ZNF112: variants seen among roughly 807,000 people sequenced by gnomAD.
The protein encoded by ZNF112 is zinc finger protein 112 (Y14).
In ZNF112, 37 loss-of-function variants were observed where a neutral mutation model predicts 77.7. The ratio of observed to expected loss-of-function variants is 0.48; its 90% CI spans 0.37 to 0.63. ZNF112 has a LOEUF of 0.63. ZNF112 is among the 20% of genes least tolerant of loss of function. The probability of loss-of-function intolerance (pLI) is 0.00; values close to 1 mark genes in which losing one functional copy is unlikely to be tolerated. For synonymous variants in ZNF112, 333 were observed against 363.6 expected, an observed-to-expected ratio of 0.92 and a Z score of 0.96; for missense variants, 950 against 1,077.4, an observed-to-expected ratio of 0.88 and a Z score of 1.66.
chr19:44,357,985 T>C (rs904718945), upstream of ZNF112, among the ~76,000 whole-genome samples: 2 of 151,956 alleles, frequency 1.3e-5, no homozygotes, highest in African/African-American at 4.8e-5. Context: ...ACCCCGTCTC[T>C]ACAAAAAATA....
chr19:44,344,232 C>G (rs1266913790), intron 1 of ZNF112, among the ~76,000 whole-genome samples: 1 of 152,138 alleles, frequency 6.6e-6, no homozygotes. Flanking sequence ...TGCGTGTGCT[C>G]CTCTGTGAAA....
Position 44,328,469 on chromosome 19 carries a change from T to C in ZNF112, c.1688A>G (p.Gln563Arg), listed in dbSNP as rs949914158. ...DKGFSRSSYL[Q>R]AHQRVHTGEK... ...TCCAGTGTGGACTCTCTGATGGGCT[T>C]GAAGATATGAACTCCGACTGAATCC... Residue 563 changes from glutamine to arginine, a missense_variant, in exon 4 of 4, where the codon CAA becomes CGA. This residue lies in a region of ZNF112 where 373 missense variants were observed against 482.8 expected (regional missense o/e 0.77). Transcript: ENST00000354340. The C allele has an allele frequency of 1.2e-6, 2 of 1,613,996 alleles. No homozygotes were observed. Among genetic ancestry groups the C allele is most frequent in the African/African-American group, 2.7e-5 (2 of 74,912 alleles).
Position 44,327,600 on chromosome 19 carries a change from T to A in ZNF112, c.2557A>T (p.Lys853Ter). ...CCACATGCATCACATTTGTATGGTT[T>A]CTCTCCTGTGTGGACTCTCTGGTGA... ...QAHQRVHTGE[K>*]PYKCDACGKG... The change falls in exon 4 of 4, where the codon AAA becomes TAA. Residue 853 changes from lysine to a stop codon, truncating the protein, a stop_gained. Coordinates refer to ENST00000354340, the MANE Select transcript of ZNF112 (RefSeq NM_013380.4). LOFTEE classifies it high-confidence loss of function. The A allele has an allele frequency of 6.2e-7, 1 of 1,614,120 alleles. No homozygotes were observed. Among genetic ancestry groups the A allele is most frequent in the East Asian group, 2.2e-5 (1 of 44,886 alleles).
chr19:44,330,067 A>G lies in ZNF112; in HGVS notation c.221-131T>C, dbSNP rs555253867. 4.5e-6 allele frequency: 3 copies of G among 663,180 alleles called. No individual in the cohort carries two copies. The African/African-American group carries it at 5.4e-5, about 12-fold the overall frequency. 41.1% of individuals were successfully genotyped at this position (663,180 alleles called of 1,614,324 possible). ...AAAATTCATGCCACTATTTCTAAGA[A>G]TACTTAGAAAATATCTCCTCTTTGG... On this transcript the variant is annotated intron_variant, in intron 3 of 3. Transcript: ENST00000354340.
At position 44,327,711 on chromosome 19, in the gene ZNF112, C is replaced by A. The variant is rs1269683620; in HGVS notation, c.2446G>T (p.Ala816Ser). 1 of 1,612,904 alleles carries A rather than the reference C, an allele frequency of 6.2e-7. No homozygotes were observed. The highest frequency in any genetic ancestry group is 1.3e-5 in the African/African-American group (1 of 74,528). The change falls in exon 4 of 4, where the codon GCC becomes TCC. Residue 816 changes from alanine (A) to serine (S), a missense_variant. Coordinates refer to ENST00000354340, the MANE Select transcript of ZNF112 (RefSeq NM_013380.4). ...KGFSGYSSLQ[A>S]HHRVHTGEKP... Reference sequence around the variant, plus strand: ...TCTCCTGTGTGGACTCTGTGATGGGCTTGAAGACTTGAATACCCACTGAAA... The same window carrying A: ...TCTCCTGTGTGGACTCTGTGATGGGATTGAAGACTTGAATACCCACTGAAA...
At chr19:44,357,654 A>C (rs557951953), upstream of ZNF112, among the ~76,000 whole-genome samples, 1 of 152,318 alleles carries the variant, frequency 6.6e-6, no homozygotes, top group South Asian at 2.1e-4. Flanking sequence ...TTAACTACTG[A>C]TGATGAAATG....
intron 1 of ZNF112, among the ~76,000 whole-genome samples, chr19:44,364,461 G>A (rs1970883748): frequency 6.6e-6 from 1 of 152,130 alleles, no homozygotes; most frequent in Non-Finnish European, 1.5e-5. Flanking sequence ...AATTTGGGCA[G>A]AGTTTAATGT....
rs1414830925 is a variant in ZNF112 at position 44,327,944 on chromosome 19, G to A, written c.2213C>T (p.Thr738Ile). 1 of 1,613,540 alleles carries A rather than the reference G, an allele frequency of 6.2e-7. No homozygotes were observed. Among genetic ancestry groups the A allele is most frequent in the East Asian group, 2.2e-5 (1 of 44,838 alleles). Residue 738 changes from threonine to isoleucine, a missense_variant, in exon 4 of 4, where the codon ACT becomes ATT. Thr to Ile is a moderately conservative substitution (Grantham distance 89). Transcript: ENST00000354340. The part of the protein sequence containing the change: ...AYLQGHQRVH[T>I]RVKPYKCEMC... ...CTCACATTTATACGGTTTCACTCTA[G>A]TGTGGACTCTCTGATGACCTTGAAG...
Position 44,336,659 on chromosome 19 carries a change from T to C in ZNF112, c.184A>G (p.Met62Val). 3 of 1,614,058 alleles carry C rather than the reference T, an allele frequency of 1.9e-6. No individual in the cohort carries two copies. The highest frequency in any genetic ancestry group is 2.5e-6 in the Non-Finnish European group (3 of 1,179,964). ...TCTCTTGGGGTTTCTGTCTCCACCA[T>C]CAAAAGCTTTTCTTCTCTCTCCAGC... ...SQLEREEKLL[M>V]VETETPRDGC... The change falls in exon 3 of 4, where the codon ATG (methionine) becomes GTG (valine). Residue 62 changes from methionine (M) to valine (V), a missense_variant. Met to Val is a conservative substitution (Grantham distance 21). Transcript: ENST00000354340.
At chr19:44,331,177 C>T (rs557975686) in intron 3 of ZNF112, among the ~76,000 whole-genome samples, 353 of 152,212 alleles carry the variant, frequency 2.3e-3, no homozygotes, top group African/African-American at 7.5e-3. Context: ...CAATTATCAA[C>T]GGCCATGGTG....
At chr19:44,348,928 T>C (rs2123199650) in intron 1 of ZNF112, among the ~76,000 whole-genome samples, 1 of 152,200 alleles carries the variant, frequency 6.6e-6, no homozygotes, top group East Asian at 1.9e-4. Context: ...AAATCAAGCC[T>C]ATCAAAATAT....
intron 1 of ZNF112, among the ~76,000 whole-genome samples, chr19:44,347,124 A>G (rs1193791077): frequency 6.6e-6 from 1 of 151,772 alleles, no homozygotes; most frequent in Non-Finnish European, 1.5e-5. Flanking sequence ...CACTTTTAGG[A>G]TTGTTATGTC....
At position 44,328,766 on chromosome 19, in the gene ZNF112, G is replaced by A. The variant is rs760202722; in HGVS notation, c.1391C>T (p.Pro464Leu). ...GTTACTACACACATAGCGTTTATAT[G>A]GTTGTTCCTTAGTGTGGACTATCTG... is the stretch of plus-strand genomic sequence containing the variant. Reference protein sequence around the residue: ...DLQIVHTKEQPYKRYVCSNSF... With the variant: ...DLQIVHTKEQLYKRYVCSNSF... The change falls in exon 4 of 4, where the codon CCA (proline) becomes CTA (leucine). Residue 464 changes from proline (P) to leucine (L), a missense_variant. By Grantham distance (98) the Pro-to-Leu change is moderately conservative (BLOSUM62 -3). Transcript: ENST00000354340. 3.7e-6 allele frequency: 6 copies of A among 1,614,084 alleles called. No individual in the cohort carries two copies. Among genetic ancestry groups the A allele is most frequent in the Middle Eastern group, 1.6e-4 (1 of 6,062 alleles).
At chr19:44,331,470 C>A (rs964377658) in intron 3 of ZNF112, among the ~76,000 whole-genome samples, 2 of 152,144 alleles carry the variant, frequency 1.3e-5, no homozygotes, top group Non-Finnish European at 1.5e-5. Context: ...GACAAATATC[C>A]TCCCTAAGGA....
intron 2 of ZNF112, among the ~76,000 whole-genome samples, chr19:44,337,839 AT>A (rs764977330): frequency 0.64 from 93,473 of 145,474 alleles, 29,554 homozygotes; most frequent in Admixed American, 0.74. Flanking sequence ...ATACATACAC[AT>A]ACACACACAC....
At chr19:44,333,058 C>G (rs1970298940) in intron 3 of ZNF112, among the ~76,000 whole-genome samples, 1 of 152,170 alleles carries the variant, frequency 6.6e-6, no homozygotes, top group African/African-American at 2.4e-5. Context: ...ATGCCGAAGA[C>G]ATCATTTGAG....
upstream of ZNF112, among the ~76,000 whole-genome samples, chr19:44,360,106 A>AAT (rs1360246495): frequency 6.6e-6 from 1 of 151,424 alleles, no homozygotes; most frequent in Admixed American, 6.6e-5. Context: ...AATACAAAAA[A>AAT]AAAGCCGGGC....
intron 2 of ZNF112, among the ~76,000 whole-genome samples, chr19:44,339,581 G>A (rs760259339): frequency 6.6e-6 from 1 of 152,236 alleles, no homozygotes; most frequent in Non-Finnish European, 1.5e-5. Flanking sequence ...AAGATGACAA[G>A]TGGAAGCTGA....
At chr19:44,347,442 T>C (rs539444198) in intron 1 of ZNF112, among the ~76,000 whole-genome samples, 2 of 151,798 alleles carry the variant, frequency 1.3e-5, no homozygotes, top group East Asian at 3.9e-4. Context: ...TCCTCCCTGA[T>C]TTTGTCCCTC....
Sources: allele counts gnomAD v4.1 joint callset (sites outside exome capture counted in the v4.1 genomes callset), GRCh38; gene constraint gnomAD v4.1.1; regional missense constraint gnomAD v4.1.1; transcripts MANE v1.5; gene names NCBI Gene and HGNC (gene_info 2026-07-23, HGNC 2026-07-21).